Variants in FTO observed in about 807,000 individuals in gnomAD.
The protein encoded by FTO is FTO alpha-ketoglutarate dependent dioxygenase, also known as alpha-ketoglutarate-dependent dioxygenase FTO.
A neutral mutation model predicts 63.9 loss-of-function variants in FTO; 47 were observed. The observed-to-expected ratio is 0.74, with a 90% CI of 0.58 to 0.94. The LOEUF is 0.94. Ranked by LOEUF, FTO falls within the 40% of genes least tolerant of loss-of-function variation. The pLI, the probability that FTO is intolerant of heterozygous loss-of-function variation, is 0.00. For missense variants in FTO, 562 were observed against 618.1 expected, an observed-to-expected ratio of 0.91 and a Z score of 0.96; for synonymous variants, 207 against 224.4, an observed-to-expected ratio of 0.92 and a Z score of 0.69.
chr16:53,973,839 A>G (rs2083382088), intron 8 of FTO, among the ~76,000 whole-genome samples: 3 of 152,216 alleles, frequency 2.0e-5, no homozygotes, highest in Admixed American at 1.3e-4. Flanking sequence ...TAGAACTTAT[A>G]CTAAAGATCT....
intron 4 of FTO, among the ~76,000 whole-genome samples, chr16:53,868,725 T>G (rs1461349881): frequency 6.6e-6 from 1 of 152,194 alleles, no homozygotes; most frequent in Admixed American, 6.5e-5. Context: ...GAGTTTCTGA[T>G]CTATATCATT....
intron 8 of FTO, among the ~76,000 whole-genome samples, chr16:53,983,037 G>A (rs891450983): frequency 3.3e-5 from 5 of 152,048 alleles, no homozygotes; most frequent in African/African-American, 1.2e-4. Context: ...TACCTACCCC[G>A]AGCCTCACAT....
chr16:53,833,129 T>C (rs2079188178), intron 3 of FTO, among the ~76,000 whole-genome samples: 1 of 151,820 alleles, frequency 6.6e-6, no homozygotes, highest in African/African-American at 2.4e-5. Context: ...ATCTGGTGGG[T>C]TCATCAGGGG....
At chr16:53,993,621 T>C (rs1213857448) in intron 8 of FTO, 1 of 152,214 alleles carries the variant, frequency 6.6e-6, no homozygotes, top group African/African-American at 2.4e-5. Flanking sequence ...TTTATTTCTT[T>C]GTTTCTCTCA....
rs545997828 is a variant in FTO at position 53,755,185 on chromosome 16, G to A, written c.45+50956G>A. 2.0e-5 allele frequency among the ~76,000 whole-genome samples: 3 copies of A among 152,270 alleles called. No individual in the cohort carries two copies. In the South Asian group the frequency reaches 6.2e-4, roughly 31 times the overall value. ...TTCCACATTATTCTTTATTTATCCC[G>A]CTCTCATCCCTGTCACCTTTGGGCA... On this transcript the variant is annotated intron_variant, in intron 1 of 8. Coordinates refer to ENST00000471389, the MANE Select transcript of FTO (RefSeq NM_001080432.3).
chr16:53,912,036 A>G (rs1275463611), intron 7 of FTO, among the ~76,000 whole-genome samples: 1 of 152,230 alleles, frequency 6.6e-6, no homozygotes, highest in Non-Finnish European at 1.5e-5. Context: ...TCCAAGGTGC[A>G]TTTTGTTGCA....
intron 2 of FTO, among the ~76,000 whole-genome samples, chr16:53,815,735 G>A (rs533234942): frequency 3.6e-5 from 5 of 138,788 alleles, no homozygotes; most frequent in Admixed American, 1.6e-4. Flanking sequence ...TGTAACCTCC[G>A]CTTCCCAGGT....
At chr16:53,839,807 ATTTATTTATTTAT>A (rs1567347127) in intron 3 of FTO, among the ~76,000 whole-genome samples, 5 of 64,690 alleles carry the variant, frequency 7.7e-5, no homozygotes, top group African/African-American at 1.1e-4. Context: ...TTATTTATTT[ATTTATTTATTTAT>A]TTTAAGGTGC....
intron 1 of FTO, among the ~76,000 whole-genome samples, chr16:53,766,951 G>T (rs753081369): frequency 6.6e-6 from 1 of 152,142 alleles, no homozygotes; most frequent in African/African-American, 2.4e-5. Context: ...TGGCAGACTT[G>T]TAAGGAACAA....
chr16:53,760,206 GT>G (rs1435102714), intron 1 of FTO, among the ~76,000 whole-genome samples: 225 of 6,568 alleles, frequency 0.034, 2 homozygotes, highest in South Asian at 0.13. Flanking sequence ...TTCAGCTTTG[GT>G]GTGTGTGTGT....
At chr16:53,909,955 G>T (rs1240945643) in intron 7 of FTO, among the ~76,000 whole-genome samples, 1 of 151,974 alleles carries the variant, frequency 6.6e-6, no homozygotes, top group Non-Finnish European at 1.5e-5. Flanking sequence ...ATAGCTTACT[G>T]CAGCCTCGAA....
intron 1 of FTO, among the ~76,000 whole-genome samples, chr16:53,710,457 G>T (rs893164168): frequency 6.6e-6 from 1 of 151,880 alleles, no homozygotes; most frequent in Non-Finnish European, 1.5e-5. Flanking sequence ...GTAGAGATGG[G>T]TTTCACCATG....
chr16:54,059,140 C>T (rs1253833120), intron 8 of FTO, among the ~76,000 whole-genome samples: 1 of 151,992 alleles, frequency 6.6e-6, no homozygotes, highest in Admixed American at 6.5e-5. Flanking sequence ...AAAATTGGGC[C>T]CCTCGATTGC....
At chr16:53,997,751 T>C (rs1198043939) in intron 8 of FTO, among the ~76,000 whole-genome samples, 1 of 152,140 alleles carries the variant, frequency 6.6e-6, no homozygotes, top group Non-Finnish European at 1.5e-5. Flanking sequence ...ATGTGTCTGT[T>C]ATGTTATTCT....
At chr16:53,904,702 T>C (rs1368403496) in intron 7 of FTO, among the ~76,000 whole-genome samples, 1 of 152,184 alleles carries the variant, frequency 6.6e-6, no homozygotes. Flanking sequence ...CATGGCACTT[T>C]GCCTGATTTT....
intron 8 of FTO, among the ~76,000 whole-genome samples, chr16:54,020,881 G>C (rs1217415556): frequency 6.6e-6 from 1 of 152,126 alleles, no homozygotes; most frequent in Non-Finnish European, 1.5e-5. Context: ...CTGAGCAGGA[G>C]AATCCCTTGA....
At chr16:53,767,152 G>A (rs2077226842) in intron 1 of FTO, among the ~76,000 whole-genome samples, 2 of 152,266 alleles carry the variant, frequency 1.3e-5, no homozygotes, top group South Asian at 4.1e-4. Flanking sequence ...GTTATAAGTG[G>A]TGTTTTTCTT....
At chr16:53,769,838 T>C (rs2077292940) in intron 1 of FTO, among the ~76,000 whole-genome samples, 1 of 152,132 alleles carries the variant, frequency 6.6e-6, no homozygotes, top group Non-Finnish European at 1.5e-5. Flanking sequence ...CATTTAGGGA[T>C]CTAAGCTGAA....
intron 2 of FTO, among the ~76,000 whole-genome samples, chr16:53,815,633 CTTGTTTTTTTTTTTTT>C (rs1567321266): frequency 1.2e-5 from 1 of 80,144 alleles, no homozygotes; most frequent in Admixed American, 1.5e-4. Context: ...CATTGACTTT[CTTGTTTTTTTTTTTTT>C]TTTTTTTTTT....
Sources: allele counts gnomAD v4.1 joint callset (sites outside exome capture counted in the v4.1 genomes callset), GRCh38; gene constraint gnomAD v4.1.1; transcripts MANE v1.5; gene names NCBI Gene and HGNC (gene_info 2026-07-23, HGNC 2026-07-21).